TASP1: variants seen among roughly 807,000 people sequenced by gnomAD.
TASP1 encodes threonine aspartase 1.
Under a neutral mutation model 56.6 loss-of-function variants are expected in TASP1, and 16 were observed. That is an observed-to-expected ratio of 0.28 (90% CI 0.19 to 0.43). The LOEUF is 0.43. Ranked by LOEUF, TASP1 falls within the 20% of genes least tolerant of loss-of-function variation. The pLI, the probability that TASP1 is intolerant of heterozygous loss-of-function variation, is 1.00. For missense variants in TASP1, 393 were observed against 511.6 expected, an observed-to-expected ratio of 0.77 and a Z score of 2.24; for synonymous variants, 179 against 184.2, an observed-to-expected ratio of 0.97 and a Z score of 0.23.
intron 11 of TASP1, among the ~76,000 whole-genome samples, chr20:13,451,480 G>C (rs1371989786): frequency 6.6e-6 from 1 of 151,986 alleles, no homozygotes; most frequent in Non-Finnish European, 1.5e-5. Flanking sequence ...GATAACTTGT[G>C]GCAGCTTCTC....
intron 13 of TASP1, among the ~76,000 whole-genome samples, chr20:13,395,849 G>A (rs1011726950): frequency 4.1e-4 from 62 of 151,918 alleles, no homozygotes; most frequent in African/African-American, 1.4e-3. Context: ...CTATAGGCGC[G>A]TGCCACTACA....
intron 10 of TASP1, among the ~76,000 whole-genome samples, chr20:13,525,367 G>A (rs2044934228): frequency 6.6e-6 from 1 of 152,094 alleles, no homozygotes; most frequent in Admixed American, 6.6e-5. Context: ...TCCCTAGCTA[G>A]GCAAATTCCT....
chr20:13,490,099 TAC>T, intron 10 of TASP1, among the ~76,000 whole-genome samples: 1 of 152,326 alleles, frequency 6.6e-6, no homozygotes, highest in East Asian at 1.9e-4. Flanking sequence ...TAAGCTCATA[TAC>T]ACATATTTAT....
chr20:13,284,279 C>G, the TASP1 span, among the ~76,000 whole-genome samples: 8 of 152,186 alleles, frequency 5.3e-5, no homozygotes, highest in Non-Finnish European at 1.0e-4. Flanking sequence ...GCCCACAGGA[C>G]GCTAGTGCCC....
chr20:13,114,739 C>T, the TASP1 span, among the ~76,000 whole-genome samples: 1 of 152,048 alleles, frequency 6.6e-6, no homozygotes. Flanking sequence ...TCTCTCTTTC[C>T]ACCTTGCTTT....
chr20:13,151,407 T>C, the TASP1 span, among the ~76,000 whole-genome samples: 1 of 152,194 alleles, frequency 6.6e-6, no homozygotes, highest in Non-Finnish European at 1.5e-5. Context: ...GCTCCATTCA[T>C]TGTCTGTGGT....
chr20:13,417,633 C>A, intron 12 of TASP1, 112 bp from the exon 13 acceptor site: 1 of 1,093,572 alleles, frequency 9.1e-7, no homozygotes, highest in East Asian at 2.6e-5. Flanking sequence ...ACTCAGTTCC[C>A]CACTTTCCAT....
At chr20:13,262,588 G>A in the TASP1 span, among the ~76,000 whole-genome samples, 1 of 151,950 alleles carries the variant, frequency 6.6e-6, no homozygotes, top group East Asian at 1.9e-4. Flanking sequence ...GGACATAAAA[G>A]AAATCGGTCC....
chr20:13,423,577 T>C (rs980951458), intron 12 of TASP1, among the ~76,000 whole-genome samples: 2 of 152,198 alleles, frequency 1.3e-5, no homozygotes, highest in African/African-American at 4.8e-5. Flanking sequence ...TCTGCCATTT[T>C]TGTGAAATAA....
chr20:13,419,321 T>A (rs1386977812), intron 12 of TASP1, among the ~76,000 whole-genome samples: 1 of 150,626 alleles, frequency 6.6e-6, no homozygotes, highest in Non-Finnish European at 1.5e-5. Context: ...GGCATGAGGA[T>A]GGGAAAGCAA....
chr20:13,542,185 G>A (rs1311928817), intron 8 of TASP1, among the ~76,000 whole-genome samples: 6 of 151,998 alleles, frequency 3.9e-5, no homozygotes, highest in Admixed American at 3.9e-4. Context: ...TAAAAGGATG[G>A]GGAAGAAAAA....
chr20:13,200,106 T>C, the TASP1 span, among the ~76,000 whole-genome samples: 1 of 152,116 alleles, frequency 6.6e-6, no homozygotes, highest in Middle Eastern at 3.4e-3. Context: ...TTCACAAAGG[T>C]ACTATGGCTA....
chr20:13,631,787 C>T (rs1369455882), intron 1 of TASP1, among the ~76,000 whole-genome samples: 1 of 152,194 alleles, frequency 6.6e-6, no homozygotes, highest in African/African-American at 2.4e-5. Context: ...AAAATACTGG[C>T]CAGGCGCGGT....
chr20:13,175,043 T>C, the TASP1 span, among the ~76,000 whole-genome samples: 1 of 152,166 alleles, frequency 6.6e-6, no homozygotes, highest in Non-Finnish European at 1.5e-5. Context: ...GCCATGATTA[T>C]AAGGCCTCCC....
At chr20:13,224,178 T>C in the TASP1 span, among the ~76,000 whole-genome samples, 125 of 152,312 alleles carry the variant, frequency 8.2e-4, no homozygotes, top group African/African-American at 2.8e-3. Flanking sequence ...GACTGTCCAC[T>C]CAATGCACAC....
chr20:13,532,663 A>G (rs547183595), intron 9 of TASP1, among the ~76,000 whole-genome samples: 1 of 152,320 alleles, frequency 6.6e-6, no homozygotes, highest in African/African-American at 2.4e-5. Context: ...CTAGATTGTT[A>G]GACGTAATAT....
chr20:13,371,700 T>G, the TASP1 span, among the ~76,000 whole-genome samples: 3 of 152,184 alleles, frequency 2.0e-5, no homozygotes, highest in Non-Finnish European at 4.4e-5. Flanking sequence ...TGTATTTCCT[T>G]GTTGATCTTA....
At chr20:13,273,498 A>C in the TASP1 span, among the ~76,000 whole-genome samples, 8 of 152,058 alleles carry the variant, frequency 5.3e-5, no homozygotes, top group Non-Finnish European at 1.2e-4. Flanking sequence ...AGCCTCTCAA[A>C]ATGCGGGGAT....
chr20:13,600,380 A>C (rs1457771180), intron 4 of TASP1, among the ~76,000 whole-genome samples: 1 of 152,208 alleles, frequency 6.6e-6, no homozygotes, highest in Non-Finnish European at 1.5e-5. Flanking sequence ...TATTGACATA[A>C]ATTTAGATAT....
Sources: allele counts gnomAD v4.1 joint callset (sites outside exome capture counted in the v4.1 genomes callset), GRCh38; gene constraint gnomAD v4.1.1; transcripts MANE v1.5; gene names NCBI Gene and HGNC (gene_info 2026-07-23, HGNC 2026-07-21).